The following ATP2B2 variants were observed in gnomAD, a reference collection of about 807,000 sequenced individuals.
ATP2B2 encodes the protein ATPase plasma membrane Ca2+ transporting 2, also known as plasma membrane calcium-transporting ATPase 2.
A neutral mutation model predicts 120.0 loss-of-function variants in ATP2B2; 15 were observed. That is an observed-to-expected ratio of 0.12 (90% CI 0.08 to 0.19). ATP2B2 has a LOEUF of 0.19. Ranked by LOEUF, ATP2B2 falls within the 10% of genes least tolerant of loss-of-function variation. The pLI is 1.00. For synonymous variants in ATP2B2, 694 were observed against 700.3 expected (o/e 0.99, Z 0.14); for missense variants, 1,045 against 1,719.8 (o/e 0.61, Z 6.94).
chr3:10,669,607 T>C (rs1451423488), intron 1 of ATP2B2, among the ~76,000 whole-genome samples: 1 of 152,150 alleles, frequency 6.6e-6, no homozygotes, highest in East Asian at 1.9e-4. Flanking sequence ...CAGGCACCCA[T>C]AAATATTTTT....
At chr3:10,410,552 T>C (rs2062573499) in intron 3 of ATP2B2, 66 bp downstream of exon 3, 1 of 1,497,814 alleles carries the variant, frequency 6.7e-7, no homozygotes, top group Non-Finnish European at 9.0e-7. Context: ...GAGCCGTGAG[T>C]GCCCCCCAGC....
At chr3:10,642,707 G>A (rs2070207884) in intron 1 of ATP2B2, among the ~76,000 whole-genome samples, 1 of 151,684 alleles carries the variant, frequency 6.6e-6, no homozygotes, top group Admixed American at 6.6e-5. Context: ...AAAAGGTACG[G>A]CATGAAACAA....
At chr3:10,668,246 CATT>C (rs768739811) in intron 1 of ATP2B2, among the ~76,000 whole-genome samples, 17 of 152,240 alleles carry the variant, frequency 1.1e-4, no homozygotes, top group Non-Finnish European at 5.9e-5. Context: ...CTATAGGTCT[CATT>C]GTTGTCACCA....
chr3:10,452,775 G>T (rs2064108874), intron 1 of ATP2B2, among the ~76,000 whole-genome samples: 4 of 152,164 alleles, frequency 2.6e-5, no homozygotes, highest in African/African-American at 9.7e-5. Context: ...CTTACTCAGG[G>T]AAAAGAATTG....
intron 1 of ATP2B2, among the ~76,000 whole-genome samples, chr3:10,489,353 G>A (rs2065849072): frequency 6.6e-6 from 1 of 152,200 alleles, no homozygotes; most frequent in African/African-American, 2.4e-5. Context: ...TATCCCCACT[G>A]CCTGGCACAC....
rs977436040 is a variant in ATP2B2 at position 10,356,157 on chromosome 3, T to C, written c.2136+2534A>G. Among the ~76,000 whole-genome samples, 9 of 131,868 alleles carry C rather than the reference T, an allele frequency of 6.8e-5. 1 individual carries two copies. The highest frequency in any genetic ancestry group is 6.5e-5 in the Non-Finnish European group (4 of 61,382). 86.5% of individuals were successfully genotyped at this position (131,868 alleles called of 152,430 possible). ...GTCCTTTCCTTTGTGCGTGTGTGCG[T>C]GTGTGTGTGTGTGTGTGTGTGTGTG... On this transcript the variant is annotated intron_variant, in intron 14 of 22. Coordinates refer to ENST00000360273, the MANE Select transcript of ATP2B2 (RefSeq NM_001001331.4).
chr3:10,330,541 C>G (rs1487221569), intron 22 of ATP2B2, among the ~76,000 whole-genome samples: 1 of 152,238 alleles, frequency 6.6e-6, no homozygotes, highest in East Asian at 1.9e-4. Flanking sequence ...GTGGAGAAAA[C>G]AAGGCGGCGT....
intron 1 of ATP2B2, among the ~76,000 whole-genome samples, chr3:10,644,575 G>A (rs867737829): frequency 2.6e-5 from 4 of 152,268 alleles, no homozygotes; most frequent in Middle Eastern, 3.4e-3. Context: ...AATATTATTC[G>A]ACCATGAAAA....
chr3:10,394,565 C>T (rs1328563006), intron 5 of ATP2B2: 3 of 460,070 alleles, frequency 6.5e-6, no homozygotes, highest in African/African-American at 2.0e-5. Context: ...GAGTGCGGGC[C>T]GAGTAGCAGA....
chr3:10,353,941 C>T (rs559143610), intron 14 of ATP2B2, among the ~76,000 whole-genome samples: 4 of 152,290 alleles, frequency 2.6e-5, no homozygotes, highest in Admixed American at 6.5e-5. Context: ...ACAGAGCCCA[C>T]GCACAGGATG....
At position 10,391,530 on chromosome 3, in the gene ATP2B2, C is replaced by T. The variant is rs538507381; in HGVS notation, c.782-3128G>A. On this transcript the variant is annotated intron_variant, in intron 5 of 22. Coordinates refer to ENST00000360273, the MANE Select transcript of ATP2B2 (RefSeq NM_001001331.4). ...AAATCACCTTCTAATCTAATCACTC[C>T]CATCGCAGCAGGGAGCTGGCAGCTC... Among the ~76,000 whole-genome samples, 28 of 152,048 alleles carry T rather than the reference C, an allele frequency of 1.8e-4. No individual in the cohort carries two copies. The South Asian group carries it at 5.8e-3, about 32-fold the overall frequency.
At chr3:10,552,195 G>T (rs959990348) in intron 2 of ATP2B2, among the ~76,000 whole-genome samples, 1 of 152,236 alleles carries the variant, frequency 6.6e-6, no homozygotes, top group Non-Finnish European at 1.5e-5. Flanking sequence ...CTGGCGAGGG[G>T]CGTGGGCGGG....
At chr3:10,419,222 C>A (rs955541062) in intron 2 of ATP2B2, among the ~76,000 whole-genome samples, 1 of 152,238 alleles carries the variant, frequency 6.6e-6, no homozygotes, top group African/African-American at 2.4e-5. Context: ...CCTCCCACCA[C>A]GGGTGGCCAC....
intron 1 of ATP2B2, among the ~76,000 whole-genome samples, chr3:10,687,965 T>C (rs901838009): frequency 2.6e-5 from 4 of 152,238 alleles, no homozygotes; most frequent in African/African-American, 9.6e-5. Context: ...CCAATATTTA[T>C]TGAAAATTCC....
rs779884532 is a variant in ATP2B2 at position 10,329,121 on chromosome 3, C to T, written c.3425G>A (p.Arg1142His). 9 of 1,537,692 alleles carry T rather than the reference C, an allele frequency of 5.9e-6. No individual in the cohort carries two copies. Among genetic ancestry groups the T allele is most frequent in the South Asian group, 3.3e-5 (3 of 90,214 alleles). The change falls in exon 23 of 23, where the codon CGC becomes CAC. Residue 1142 changes from arginine (R) to histidine (H), a missense_variant. Arg to His is a conservative substitution (Grantham distance 29, BLOSUM62 0). This residue lies in a region of ATP2B2 where 211 missense variants were observed against 385.1 expected (regional missense o/e 0.55). Transcript: ENST00000360273. The surrounding 1 kb of genome is among the most constrained non-coding windows in gnomAD (Gnocchi z 5.9). ...AGAGCTACGGAACGCCTTCACGACG[C>T]GGATCTGCAAGGGAAGCACAGGGGT... is the stretch of plus-strand genomic sequence containing the variant. ...RGLNRIQTQI[R>H]VVKAFRSSLY...
chr3:10,394,392 T>C (rs1173699102), intron 5 of ATP2B2: 2 of 468,016 alleles, frequency 4.3e-6, no homozygotes, highest in Non-Finnish European at 8.8e-6. Flanking sequence ...TTGGCGCAAG[T>C]TCAATCCCCA....
intron 1 of ATP2B2, among the ~76,000 whole-genome samples, chr3:10,625,522 C>A (rs1316849379): frequency 6.6e-6 from 1 of 152,218 alleles, no homozygotes; most frequent in Non-Finnish European, 1.5e-5. Context: ...GACGCAGATA[C>A]TCCCCGGTTT....
intron 2 of ATP2B2, among the ~76,000 whole-genome samples, chr3:10,571,384 A>C (rs1219829567): frequency 6.6e-6 from 1 of 152,196 alleles, no homozygotes; most frequent in Non-Finnish European, 1.5e-5. Flanking sequence ...GGGCTGTGAG[A>C]ACCCACTGTA....
chr3:10,419,189 T>C (rs1307439191), intron 2 of ATP2B2, among the ~76,000 whole-genome samples: 1 of 152,220 alleles, frequency 6.6e-6, no homozygotes, highest in Non-Finnish European at 1.5e-5. Flanking sequence ...TGGGGATGTG[T>C]GTGCTGAGGT....
Sources: gnomAD v4.1 joint callset for allele counts (sites outside exome capture counted in the v4.1 genomes callset) on GRCh38, gnomAD v4.1.1 for gene constraint, gnomAD v4.1.1 regional missense constraint, Gnocchi (gnomAD v3.1) non-coding constraint, MANE v1.5 for transcripts, NCBI Gene and HGNC (gene_info 2026-07-23, HGNC 2026-07-21) for gene names.